The following KHNYN variants were observed in gnomAD, a reference collection of about 807,000 sequenced individuals.
The protein encoded by KHNYN is protein KHNYN.
Under a neutral mutation model 62.7 loss-of-function variants are expected in KHNYN, and 42 were observed. The observed-to-expected ratio is 0.67, with a 90% CI of 0.52 to 0.87. KHNYN has a LOEUF of 0.87. Among genes scored for constraint, KHNYN ranks in the 40% least tolerant of loss-of-function variants. KHNYN has a pLI of 0.00. For synonymous variants in KHNYN, 347 were observed against 345.6 expected (o/e 1.00, Z -0.04); for missense variants, 829 against 874.1 (o/e 0.95, Z 0.65).
chr14:24,435,716 C>G (rs1441040450), intron 5 of KHNYN: 1 of 286,916 alleles, frequency 3.5e-6, no homozygotes. Context: ...TAGGATGCTA[C>G]TGGGAGACCA....
Position 24,432,280 on chromosome 14 carries a change from G to A in KHNYN, c.1019G>A (p.Gly340Glu), listed in dbSNP as rs754052145. 5 of 1,613,856 alleles carry A rather than the reference G, an allele frequency of 3.1e-6. No homozygotes were observed. The South Asian group carries it at 4.4e-5, about 14-fold the overall frequency. ...TGTCACAGGGCAGCTCAGTCCCGAGGAGCCTCCCTCCTCCAGCGGCTCCAC... is the reference window on the plus strand; with the variant it reads ...TGTCACAGGGCAGCTCAGTCCCGAGAAGCCTCCCTCCTCCAGCGGCTCCAC... ...GSCHRAAQSRGASLLQRLHNG... is the reference protein window; with the variant it reads ...GSCHRAAQSREASLLQRLHNG... The change falls in exon 3 of 8, where the codon GGA (glycine) becomes GAA (glutamate). Residue 340 changes from glycine (G) to glutamate (E), a missense_variant. Physicochemically the swap from Gly to Glu is moderately conservative, Grantham distance 98 (BLOSUM62 -2). Around this residue, in one of 2 missense-constraint regions of KHNYN, gnomAD observed 559 missense variants for 527.0 expected, o/e 1.06. Transcript: ENST00000553935. The surrounding 1 kb of genome is among the most constrained non-coding windows in gnomAD (Gnocchi z 5.6).
chr14:24,432,978 C>T lies in KHNYN; in HGVS notation c.1523C>T (p.Ser508Phe). ...AAGCTGTATTCCCTCAGCCTGCTCTCCCTCACACCCTCACGAGTCATGGAT... is the reference window on the plus strand; with the variant it reads ...AAGCTGTATTCCCTCAGCCTGCTCTTCCTCACACCCTCACGAGTCATGGAT... ...LQKLYSLSLL[S>F]LTPSRVMDGK... Residue 508 changes from serine (S) to phenylalanine (F), a missense_variant, in exon 5 of 8, where the codon TCC (serine) becomes TTC (phenylalanine). Ser to Phe is a radical substitution (Grantham distance 155). Around this residue, in one of 2 missense-constraint regions of KHNYN, gnomAD observed 270 missense variants for 347.1 expected, o/e 0.78. Coordinates refer to ENST00000553935, the MANE Select transcript of KHNYN (RefSeq NM_015299.3). The surrounding 1 kb of genome is among the most constrained non-coding windows in gnomAD (Gnocchi z 5.6). The T allele has an allele frequency of 1.9e-6, 3 of 1,614,224 alleles. No individual in the cohort carries two copies. Among genetic ancestry groups the T allele is most frequent in the Non-Finnish European group, 2.5e-6 (3 of 1,180,030 alleles).
At position 24,438,909 on chromosome 14, in the gene KHNYN, G is replaced by A. The variant is rs1356388433; in HGVS notation, c.*1624G>A. ...TGGCACAGGGAGTTGAATACTGCAT[G>A]GCGAGTGTAATGATGATGGGGAGGG... is the stretch of plus-strand genomic sequence containing the variant. On this transcript the variant is annotated 3_prime_UTR_variant, in exon 8 of 8. Coordinates refer to ENST00000553935, the MANE Select transcript of KHNYN (RefSeq NM_015299.3). The A allele has an allele frequency of 1.3e-5, 2 of 152,218 alleles. No homozygotes were observed. The highest frequency in any genetic ancestry group is 2.9e-5 in the Non-Finnish European group (2 of 68,092). 9.4% of individuals were successfully genotyped at this position (152,218 alleles called of 1,614,324 possible). A position where few individuals can be genotyped will look rare whatever the true frequency, so the allele number is the denominator to read the frequency against.
At chr14:24,429,495 C>T (rs906927492), upstream of KHNYN, 2 of 458,708 alleles carry the variant, frequency 4.4e-6, no homozygotes, top group East Asian at 1.4e-4. Flanking sequence ...TACTCTTCCT[C>T]TCTTCAAAAT....
chr14:24,428,275 G>T (rs747069392), upstream of KHNYN: 1 of 1,613,364 alleles, frequency 6.2e-7, no homozygotes, highest in African/African-American at 1.3e-5. Context: ...GGGGGCCAGT[G>T]CTGAGGTCAC....
chr14:24,429,807 C>T (rs2043070417), upstream of KHNYN: 26 of 1,074,682 alleles, frequency 2.4e-5, no homozygotes, highest in South Asian at 5.1e-4. Flanking sequence ...GTGAGAAGCG[C>T]AAGGGGCGAG....
upstream of KHNYN, chr14:24,428,020 C>T: frequency 6.3e-7 from 1 of 1,595,672 alleles, no homozygotes; most frequent in Non-Finnish European, 8.5e-7. Context: ...CCCCATTCCC[C>T]AGCCCTTAGC....
intron 5 of KHNYN, among the ~76,000 whole-genome samples, chr14:24,435,230 T>A (rs2043187703): frequency 1.3e-5 from 2 of 152,176 alleles, no homozygotes; most frequent in Non-Finnish European, 2.9e-5. Flanking sequence ...GCATAAGACA[T>A]ATGTGGAGAG....
the KHNYN span, among the ~76,000 whole-genome samples, chr14:24,423,886 C>A: frequency 1.1e-3 from 161 of 152,304 alleles, no homozygotes; most frequent in Admixed American, 1.6e-3. Context: ...CACACCATCA[C>A]CTGTGCTTTA....
At chr14:24,429,604 A>C (rs889454667), upstream of KHNYN, 8 of 922,170 alleles carry the variant, frequency 8.7e-6, no homozygotes, top group African/African-American at 1.8e-5. Flanking sequence ...CCTCCCGCCT[A>C]CCCCCTCCGC....
upstream of KHNYN, chr14:24,427,853 C>T (rs201500795): frequency 3.8e-5 from 62 of 1,613,982 alleles, no homozygotes; most frequent in Admixed American, 2.8e-4. The surrounding 1 kb of genome is among the most constrained non-coding windows in gnomAD (Gnocchi z 4.4). Context: ...TAGATTCCCC[C>T]GACGCAGGCG....
upstream of KHNYN, chr14:24,429,003 GCC>G: frequency 6.5e-7 from 1 of 1,547,630 alleles, no homozygotes; most frequent in East Asian, 2.4e-5. Flanking sequence ...ACCAAGGGCA[GCC>G]CGGGACTGTG....
rs778835122 is a variant in KHNYN at position 24,430,809 on chromosome 14, C to G, written c.79C>G (p.Gln27Glu). The G allele has an allele frequency of 1.2e-6, 2 of 1,611,488 alleles. No homozygotes were observed. The highest frequency in any genetic ancestry group is 8.5e-7 in the Non-Finnish European group (1 of 1,178,894). Residue 27 changes from glutamine to glutamate, a missense_variant, in exon 2 of 8, where the codon CAG (glutamine) becomes GAG (glutamate). Physicochemically the swap from Gln to Glu is conservative, Grantham distance 29. Coordinates refer to ENST00000553935, the MANE Select transcript of KHNYN (RefSeq NM_015299.3). ...SAEAENKVRE[Q>E]QPHVERIFSV... ...GGAGGCTGAGAACAAGGTTCGGGAACAGCAGCCCCATGTGGAGCGCATCTT... is the reference window on the plus strand; with the variant it reads ...GGAGGCTGAGAACAAGGTTCGGGAAGAGCAGCCCCATGTGGAGCGCATCTT...
At chr14:24,436,262 A>C in intron 6 of KHNYN, 83 bp downstream of exon 6, 1 of 1,457,626 alleles carries the variant, frequency 6.9e-7, no homozygotes, top group Non-Finnish European at 9.6e-7. Flanking sequence ...TGGGGTGAAA[A>C]CTCTGGGAAG....
In KHNYN at chr14:24,440,728, C is replaced by A; in HGVS notation, c.*3443C>A. On this transcript the variant is annotated 3_prime_UTR_variant, in exon 8 of 8. Coordinates refer to ENST00000553935, the MANE Select transcript of KHNYN (RefSeq NM_015299.3). ...CTCAGCTCTCCTAATCCCATCACTTCCCCAGCCCAGAGAAGACATTCCAAC... is the reference window on the plus strand; with the variant it reads ...CTCAGCTCTCCTAATCCCATCACTTACCCAGCCCAGAGAAGACATTCCAAC... The A allele has an allele frequency of 1.3e-6, 2 of 1,590,006 alleles. No homozygotes were observed. The highest frequency in any genetic ancestry group is 1.7e-6 in the Non-Finnish European group (2 of 1,164,946).
At position 24,431,805 on chromosome 14, in the gene KHNYN, T is replaced by C. The variant is rs1217042256; in HGVS notation, c.544T>C (p.Leu182=). 1.9e-6 allele frequency: 3 copies of C among 1,614,054 alleles called. No homozygotes were observed. In the East Asian group the frequency reaches 6.7e-5, roughly 36 times the overall value. ...TGCCCATAGAGAGGCTCTGTTGCAG[T>C]TGCCCCTGGCTGTCCAGGAGGAGCT... is the stretch of plus-strand genomic sequence containing the variant. ...GDAHREALLQ[L]PLAVQEELLS... is the part of the protein sequence containing the mutation. Residue 182 remains leucine, a synonymous_variant, in exon 3 of 8, where the codon TTG becomes CTG. Transcript: ENST00000553935.
At chr14:24,431,440 G>T (rs973068462) in intron 2 of KHNYN, 23 bp from the exon 3 acceptor site, 13 of 1,537,720 alleles carry the variant, frequency 8.5e-6, no homozygotes, top group African/African-American at 1.4e-5. Context: ...TACTTTTCCT[G>T]ACCTTCCCTT....
At position 24,441,692 on chromosome 14, in the gene KHNYN, C is replaced by A; in HGVS notation, c.*4407C>A. The A allele has an allele frequency of 6.3e-7, 1 of 1,589,920 alleles. No individual in the cohort carries two copies. The highest frequency in any genetic ancestry group is 1.1e-5 in the South Asian group (1 of 87,092). On this transcript the variant is annotated 3_prime_UTR_variant, in exon 8 of 8. Transcript: ENST00000553935. ...GGCGTACCTACACCTGTGACTAAGA[C>A]CCAGGCCTTGGGGGGTTGTGGGGCT...
rs1189625843 is a variant in KHNYN at position 24,438,829 on chromosome 14, TGG to T, written c.*1547_*1548del. 6.6e-6 allele frequency: 1 copy of T among 152,132 alleles called. No homozygotes were observed. Among genetic ancestry groups the T allele is most frequent in the African/African-American group, 2.4e-5 (1 of 41,392 alleles). The allele number at this position is 152,132 out of a possible 1,614,324, so 9.4% of individuals were successfully genotyped here. On this transcript the variant is annotated 3_prime_UTR_variant, in exon 8 of 8. Transcript: ENST00000553935. ...CTGGGTTCTGTTCTGTGTGGGCCTG[TGG>T]GGAGTCTCTAGACAAGATCTTTTCC...
Sources: allele counts gnomAD v4.1 joint callset (sites outside exome capture counted in the v4.1 genomes callset), GRCh38; gene constraint gnomAD v4.1.1; regional missense constraint gnomAD v4.1.1; non-coding constraint Gnocchi (gnomAD v3.1); transcripts MANE v1.5; gene names NCBI Gene and HGNC (gene_info 2026-07-23, HGNC 2026-07-21).